The following KCNH1 variants were observed in gnomAD, a reference collection of about 807,000 sequenced individuals.
KCNH1 encodes the protein potassium voltage-gated channel subfamily H member 1.
A neutral mutation model predicts 69.2 loss-of-function variants in KCNH1; 27 were observed. The observed-to-expected ratio is 0.39, with a 90% confidence interval of 0.29 to 0.54. The LOEUF (loss-of-function observed/expected upper bound fraction) is 0.54, where lower values mean the gene tolerates loss of function less well. KCNH1 is among the 20% of genes least tolerant of loss of function. The pLI is 0.68. For missense variants in KCNH1, 798 were observed against 1,261.6 expected (o/e 0.63, Z 5.57); for synonymous variants, 456 against 487.7 (o/e 0.93, Z 0.86).
chr1:211,001,232 C>T (rs1295399755), intron 6 of KCNH1, among the ~76,000 whole-genome samples: 1 of 152,170 alleles, frequency 6.6e-6, no homozygotes, highest in Non-Finnish European at 1.5e-5. Flanking sequence ...AGGCAACCTA[C>T]AGAGTGGGAG....
chr1:210,869,228 C>CCTTTGGT (rs1382506155), intron 7 of KCNH1, among the ~76,000 whole-genome samples: 3 of 151,760 alleles, frequency 2.0e-5, no homozygotes, highest in African/African-American at 4.8e-5. Context: ...ATCATGAACT[C>CCTTTGGT]CTTTGGTGTG....
At chr1:210,716,766 T>G (rs552346020) in intron 10 of KCNH1, among the ~76,000 whole-genome samples, 1 of 152,304 alleles carries the variant, frequency 6.6e-6, no homozygotes, top group East Asian at 1.9e-4. Flanking sequence ...AGGCTTGCTC[T>G]CTCTGTTCCA....
chr1:210,947,129 G>A (rs1310515253), intron 6 of KCNH1, among the ~76,000 whole-genome samples: 1 of 152,186 alleles, frequency 6.6e-6, no homozygotes, highest in African/African-American at 2.4e-5. Context: ...AATAATTGCT[G>A]AATGACTTTG....
intron 7 of KCNH1, among the ~76,000 whole-genome samples, chr1:210,823,361 A>G (rs4951641): frequency 0.83 from 127,024 of 152,218 alleles, 53,159 homozygotes; most frequent in Non-Finnish European, 0.85. Context: ...CTGTAAGAAG[A>G]CCCAAGAGCC....
chr1:210,804,506 T>C (rs1163017057), intron 7 of KCNH1, among the ~76,000 whole-genome samples: 2 of 152,224 alleles, frequency 1.3e-5, no homozygotes, highest in Non-Finnish European at 2.9e-5. Context: ...CTTAATTTTA[T>C]ACTTTCTGTC....
At chr1:211,001,064 A>T (rs1033985379) in intron 6 of KCNH1, among the ~76,000 whole-genome samples, 3 of 152,198 alleles carry the variant, frequency 2.0e-5, no homozygotes, top group African/African-American at 7.2e-5. Flanking sequence ...AAAACCCTAG[A>T]AGAAAACCCA....
intron 9 of KCNH1, among the ~76,000 whole-genome samples, chr1:210,787,771 A>C (rs747113253): frequency 3.3e-5 from 5 of 152,248 alleles, no homozygotes; most frequent in Non-Finnish European, 7.3e-5. Context: ...GAAAATTTAC[A>C]GACTAATTTA....
At position 211,075,938 on chromosome 1, in the gene KCNH1, C is replaced by A. The variant is rs183256439; in HGVS notation, c.558+6842G>T. Among the ~76,000 whole-genome samples the A allele has an allele frequency of 1.4e-3, 213 of 152,348 alleles. 10 individuals are homozygous for A. Among genetic ancestry groups the A allele is most frequent in the East Asian group, 0.013 (68 of 5,184 alleles). On this transcript the variant is annotated intron_variant, in intron 5 of 10. Transcript: ENST00000271751. ...CACACCAGGAGATTATATCCCGCACCTGGCTCAGCCGATCCCAAGCCCATG... is the reference window on the plus strand; with the variant it reads ...CACACCAGGAGATTATATCCCGCACATGGCTCAGCCGATCCCAAGCCCATG...
chr1:210,793,797 G>A (rs957064694), intron 9 of KCNH1, among the ~76,000 whole-genome samples: 1 of 152,170 alleles, frequency 6.6e-6, no homozygotes, highest in Non-Finnish European at 1.5e-5. Flanking sequence ...CCTCTTTAAA[G>A]CAATGGATAT....
chr1:211,114,689 G>A (rs901709886), intron 1 of KCNH1, among the ~76,000 whole-genome samples: 14 of 152,160 alleles, frequency 9.2e-5, no homozygotes, highest in African/African-American at 2.9e-4. Flanking sequence ...AAAGTGACGC[G>A]ACACAGAGTT....
Position 210,682,436 on chromosome 1 carries a change from G to T in KCNH1, c.*845C>A, listed in dbSNP as rs1048604703. On this transcript the variant is annotated 3_prime_UTR_variant, in exon 11 of 11. Coordinates refer to ENST00000271751, the MANE Select transcript of KCNH1 (RefSeq NM_172362.3). Reference sequence around the variant, plus strand: ...AATGCCATGGGGACACTTGGGAAGAGGCCAAGAAGGAACAGAAGCAAGGGA... The same window carrying T: ...AATGCCATGGGGACACTTGGGAAGATGCCAAGAAGGAACAGAAGCAAGGGA... 5 of 152,422 alleles carry T rather than the reference G, an allele frequency of 3.3e-5. No individual in the cohort carries two copies. The highest frequency in any genetic ancestry group is 4.8e-5 in the African/African-American group (2 of 41,452). 9.4% of individuals were successfully genotyped at this position (152,422 alleles called of 1,614,324 possible).
intron 10 of KCNH1, among the ~76,000 whole-genome samples, chr1:210,773,182 C>T (rs1683784484): frequency 1.3e-5 from 2 of 152,112 alleles, no homozygotes; most frequent in Admixed American, 1.3e-4. Context: ...AGCAAGCATC[C>T]CATGTTCCCA....
chr1:210,913,641 C>T (rs532015027), intron 7 of KCNH1, among the ~76,000 whole-genome samples: 1 of 152,310 alleles, frequency 6.6e-6, no homozygotes, highest in African/African-American at 2.4e-5. Context: ...TATAAGGACA[C>T]AGCTCCAACA....
chr1:210,899,363 T>C (rs538692664), intron 7 of KCNH1, among the ~76,000 whole-genome samples: 1 of 152,228 alleles, frequency 6.6e-6, no homozygotes, highest in East Asian at 1.9e-4. Flanking sequence ...CACAAAATTA[T>C]TTCTAAAAAT....
chr1:211,061,213 A>G (rs765045827), intron 5 of KCNH1, among the ~76,000 whole-genome samples: 1 of 152,194 alleles, frequency 6.6e-6, no homozygotes, highest in Non-Finnish European at 1.5e-5. Flanking sequence ...AAAACATACA[A>G]TCATTTCAAC....
chr1:210,927,403 T>G (rs544209729), intron 6 of KCNH1, among the ~76,000 whole-genome samples: 1 of 152,238 alleles, frequency 6.6e-6, no homozygotes, highest in Non-Finnish European at 1.5e-5. Context: ...TAGGGTCCTA[T>G]TTTTAGCCTC....
chr1:210,713,623 A>T (rs917994527), intron 10 of KCNH1, among the ~76,000 whole-genome samples: 2 of 152,016 alleles, frequency 1.3e-5, no homozygotes, highest in African/African-American at 4.8e-5. Flanking sequence ...TAGGGAAGGG[A>T]TGGGGGGAAG....
chr1:210,961,188 T>C (rs1044716374), intron 6 of KCNH1, among the ~76,000 whole-genome samples: 2 of 152,276 alleles, frequency 1.3e-5, no homozygotes, highest in East Asian at 1.9e-4. Flanking sequence ...GTTTGTCTTA[T>C]TGAGTTTTAA....
intron 5 of KCNH1, among the ~76,000 whole-genome samples, chr1:211,023,147 TAAATAAATA>T (rs1689619313): frequency 6.8e-6 from 1 of 146,912 alleles, no homozygotes; most frequent in Non-Finnish European, 1.5e-5. Context: ...AATAAATAAA[TAAATAAATA>T]AATAAATTAA....
Sources: gnomAD v4.1 joint callset for allele counts (sites outside exome capture counted in the v4.1 genomes callset) on GRCh38, gnomAD v4.1.1 for gene constraint, MANE v1.5 for transcripts, NCBI Gene and HGNC (gene_info 2026-07-23, HGNC 2026-07-21) for gene names.